Variants in SLCO4C1 observed in about 807,000 individuals in gnomAD.
SLCO4C1 encodes solute carrier organic anion transporter family member 4C1.
SLCO4C1 carries 58 observed loss-of-function variants against 72.1 expected under a neutral mutation model. The ratio of observed to expected loss-of-function variants is 0.80; its 90% CI spans 0.65 to 1.00. The LOEUF (loss-of-function observed/expected upper bound fraction) is 1.00. Ranked by LOEUF, SLCO4C1 falls within the 50% of genes least tolerant of loss-of-function variation. SLCO4C1 has a pLI of 0.00. For synonymous variants in SLCO4C1, 297 were observed against 312.5 expected (o/e 0.95, Z 0.52); for missense variants, 898 against 857.9 (o/e 1.05, Z -0.58).
rs1748452726 is a variant in SLCO4C1, at chr5:102,237,157, G to T, written c.2015-139C>A. On this transcript the variant is annotated intron_variant, in intron 12 of 12. Transcript: ENST00000310954. ...TTATAGTTCTATGTTTAAAATTTTT[G>T]AAACATTAAGGGGAAAGAAAAAACA... 3 of 887,696 alleles carry T rather than the reference G, an allele frequency of 3.4e-6. No homozygotes were observed. The South Asian group carries it at 6.3e-5, about 19-fold the overall frequency. The allele number at this position is 887,696 out of a possible 1,614,324, so 55.0% of individuals were successfully genotyped here.
intron 2 of SLCO4C1, among the ~76,000 whole-genome samples, chr5:102,287,089 T>C (rs1411373368): frequency 6.6e-6 from 1 of 152,150 alleles, no homozygotes; most frequent in Non-Finnish European, 1.5e-5. Flanking sequence ...ATAAAATCAT[T>C]TATTAATATT....
intron 1 of SLCO4C1, among the ~76,000 whole-genome samples, chr5:102,294,188 C>T (rs1458959067): frequency 6.6e-6 from 1 of 152,096 alleles, no homozygotes; most frequent in African/African-American, 2.4e-5. Context: ...CAATTACAGG[C>T]GTGAGCCACG....
At chr5:102,263,588 A>G (rs1748981274) in intron 4 of SLCO4C1, 96 bp downstream of exon 4, 1 of 918,342 alleles carries the variant, frequency 1.1e-6, no homozygotes, top group South Asian at 1.7e-5. Flanking sequence ...TCCTCATGCT[A>G]TACTGAGGGA....
At chr5:102,281,866 CAT>C in intron 2 of SLCO4C1, among the ~76,000 whole-genome samples, 1 of 152,144 alleles carries the variant, frequency 6.6e-6, no homozygotes, top group Non-Finnish European at 1.5e-5. Context: ...AAAAACTAAA[CAT>C]AGAATTTTCA....
chr5:102,258,410 A>G (rs970398945), intron 6 of SLCO4C1, among the ~76,000 whole-genome samples: 4 of 152,162 alleles, frequency 2.6e-5, no homozygotes, highest in African/African-American at 9.7e-5. Context: ...GTAAATCTCC[A>G]CACTATAAAT....
At chr5:102,245,303 C>A (rs1433413512) in intron 10 of SLCO4C1, among the ~76,000 whole-genome samples, 1 of 152,058 alleles carries the variant, frequency 6.6e-6, no homozygotes, top group Non-Finnish European at 1.5e-5. Context: ...ACAAGCAAGA[C>A]ACTTCACCTA....
chr5:102,270,576 A>G (rs1554058485), intron 3 of SLCO4C1, 48 bp downstream of exon 3: 29 of 1,463,050 alleles, frequency 2.0e-5, no homozygotes, highest in Non-Finnish European at 2.6e-5. Flanking sequence ...TAAAGTGAAC[A>G]AATAATAAGA....
chr5:102,257,180 ACT>A lies in SLCO4C1; in HGVS notation c.1402_1403del (p.Ser468PhefsTer9). 2 of 1,607,920 alleles carry A rather than the reference ACT, an allele frequency of 1.2e-6. No homozygotes were observed. Among genetic ancestry groups the A allele is most frequent in the Non-Finnish European group, 1.7e-6 (2 of 1,177,596 alleles). The stretch of plus-strand genomic sequence containing the variant: ...CACATTTGGCATACATAAATACAAA[ACT>A]CAGCGTAAGTGCAACTCCAGATGTG... ...LFTSGVALTL[S>X]FVFMYAKCEN... On this transcript the variant is annotated frameshift_variant, in exon 8 of 13. Coordinates refer to ENST00000310954, the MANE Select transcript of SLCO4C1 (RefSeq NM_180991.5). LOFTEE classifies it high-confidence loss of function.
intron 2 of SLCO4C1, among the ~76,000 whole-genome samples, chr5:102,281,447 TTTA>T (rs1486597196): frequency 3.3e-5 from 5 of 152,102 alleles, no homozygotes; most frequent in Non-Finnish European, 4.4e-5. Context: ...TAAATTCGAC[TTTA>T]TTTAAATTGA....
intron 2 of SLCO4C1, among the ~76,000 whole-genome samples, chr5:102,287,030 A>G (rs1407480453): frequency 1.3e-5 from 2 of 152,144 alleles, no homozygotes; most frequent in Non-Finnish European, 2.9e-5. Context: ...GGGTATGTTA[A>G]TTTCCTCACT....
rs569215359 is a variant in SLCO4C1 at position 102,234,226 on chromosome 5, A to T, written c.*2632T>A. On this transcript the variant is annotated 3_prime_UTR_variant, in exon 13 of 13. Coordinates refer to ENST00000310954, the MANE Select transcript of SLCO4C1 (RefSeq NM_180991.5). ...CAATTATGTACACAATTACAATGTCAATTTATAAGTCAAGCTTACTTAACA... is the reference window on the plus strand; with the variant it reads ...CAATTATGTACACAATTACAATGTCTATTTATAAGTCAAGCTTACTTAACA... 6.5e-6 allele frequency: 1 copy of T among 152,762 alleles called. No homozygotes were observed. The highest frequency in any genetic ancestry group is 1.5e-5 in the Non-Finnish European group (1 of 68,000). 9.5% of individuals were successfully genotyped at this position (152,762 alleles called of 1,614,324 possible).
chr5:102,292,089 T>C (rs113233069), intron 1 of SLCO4C1, among the ~76,000 whole-genome samples: 6,937 of 152,234 alleles, frequency 0.046, 219 homozygotes, highest in African/African-American at 0.095. Context: ...ACTCCCAAAG[T>C]GCTGGGATTA....
intron 3 of SLCO4C1, among the ~76,000 whole-genome samples, chr5:102,264,074 T>A (rs1748991797): frequency 6.6e-6 from 1 of 152,138 alleles, no homozygotes; most frequent in Non-Finnish European, 1.5e-5. Context: ...CCATTTATCC[T>A]TTACTGATAG....
At position 102,260,222 on chromosome 5, in the gene SLCO4C1, A is replaced by G; in HGVS notation, c.1119T>C (p.Ala373=). 1 of 1,340,340 alleles carries G rather than the reference A, an allele frequency of 7.5e-7. No individual in the cohort carries two copies. The highest frequency in any genetic ancestry group is 2.1e-5 in the South Asian group (1 of 47,916). The allele number at this position is 1,340,340 out of a possible 1,614,324, so 83.0% of individuals were successfully genotyped here. The change falls in exon 6 of 13, where the codon GCT becomes GCC. Residue 373 remains alanine (A), a synonymous_variant. Coordinates refer to ENST00000310954, the MANE Select transcript of SLCO4C1 (RefSeq NM_180991.5). ...KFGKSIKDFP[A]ALKNLMKNAV... is the part of the protein sequence containing the mutation. ...AAGAATTTTATTTTACCTTTAGAGCAGCTGGAAAATCTTTAATACTTTTTC... is the reference window on the plus strand; with the variant it reads ...AAGAATTTTATTTTACCTTTAGAGCGGCTGGAAAATCTTTAATACTTTTTC...
intron 11 of SLCO4C1, 76 bp downstream of exon 11, chr5:102,240,642 C>T: frequency 8.3e-7 from 1 of 1,199,590 alleles, no homozygotes; most frequent in Non-Finnish European, 1.2e-6. Context: ...TGCCACAGGC[C>T]ATAAATTAAA....
chr5:102,286,469 G>A (rs1375073999), intron 2 of SLCO4C1, among the ~76,000 whole-genome samples: 2 of 151,914 alleles, frequency 1.3e-5, no homozygotes, highest in South Asian at 2.1e-4. Context: ...TTTACTTATC[G>A]CATTTTAAAT....
At chr5:102,247,526 A>AAC in intron 9 of SLCO4C1, 84 bp from the exon 10 acceptor site, 1 of 891,668 alleles carries the variant, frequency 1.1e-6, no homozygotes, top group Non-Finnish European at 1.7e-6. Context: ...AGACATGGCA[A>AAC]ACACTCTCAT....
At chr5:102,260,786 T>C (rs1268527764) in intron 5 of SLCO4C1, among the ~76,000 whole-genome samples, 1 of 152,144 alleles carries the variant, frequency 6.6e-6, no homozygotes, top group South Asian at 2.1e-4. Flanking sequence ...AATGAAATAT[T>C]TGCCATCTTA....
intron 8 of SLCO4C1, among the ~76,000 whole-genome samples, chr5:102,250,860 C>A (rs1459016345): frequency 6.6e-6 from 1 of 151,852 alleles, no homozygotes. Context: ...TGGTGGCAGG[C>A]ACCTGTAGTC....
Sources: gnomAD v4.1 joint callset for allele counts (sites outside exome capture counted in the v4.1 genomes callset) on GRCh38, gnomAD v4.1.1 for gene constraint, MANE v1.5 for transcripts, NCBI Gene and HGNC (gene_info 2026-07-23, HGNC 2026-07-21) for gene names.